PPARGC1A: variants seen among roughly 807,000 people sequenced by gnomAD.
The protein encoded by PPARGC1A is PPARG coactivator 1 alpha, also known as peroxisome proliferator-activated receptor gamma coactivator 1-alpha.
In PPARGC1A, 25 loss-of-function variants were observed where a neutral mutation model predicts 88.7. That is an observed-to-expected ratio of 0.28 (90% confidence interval 0.21 to 0.39). The LOEUF is 0.39. PPARGC1A is among the 10% of genes least tolerant of loss of function. PPARGC1A has a pLI of 1.00. For missense variants in PPARGC1A, 880 were observed against 968.7 expected (o/e 0.91, Z 1.22); for synonymous variants, 363 against 355.6 (o/e 1.02, Z -0.24).
At chr4:24,173,162 C>T in the PPARGC1A span, among the ~76,000 whole-genome samples, 18 of 151,968 alleles carry the variant, frequency 1.2e-4, no homozygotes, top group African/African-American at 3.9e-4. Flanking sequence ...AGAGGGCTAA[C>T]GATGTGTCAG....
chr4:23,836,994 C>T (rs554031982), intron 2 of PPARGC1A, among the ~76,000 whole-genome samples: 2 of 152,170 alleles, frequency 1.3e-5, no homozygotes, highest in African/African-American at 4.8e-5. Flanking sequence ...TATGAAAGGA[C>T]CATGCCCTGC....
chr4:24,142,569 G>T, the PPARGC1A span, among the ~76,000 whole-genome samples: 1 of 152,144 alleles, frequency 6.6e-6, no homozygotes, highest in African/African-American at 2.4e-5. Context: ...AGCTACTTGG[G>T]TGGCTGAGGC....
At chr4:24,353,454 T>C in the PPARGC1A span, among the ~76,000 whole-genome samples, 1 of 151,958 alleles carries the variant, frequency 6.6e-6, no homozygotes, top group Non-Finnish European at 1.5e-5. Context: ...TGAAGAAACA[T>C]TAAGGCGAGA....
chr4:24,168,288 T>C, the PPARGC1A span, among the ~76,000 whole-genome samples: 15 of 152,158 alleles, frequency 9.9e-5, no homozygotes, highest in Admixed American at 8.5e-4. Context: ...AGGTGAAGTG[T>C]CTTGCCCATG....
chr4:23,963,277 T>C, the PPARGC1A span, among the ~76,000 whole-genome samples: 1 of 152,188 alleles, frequency 6.6e-6, no homozygotes, highest in Non-Finnish European at 1.5e-5. Flanking sequence ...GCCTCTCTTA[T>C]TGCTATTACC....
At chr4:24,467,698 G>A in the PPARGC1A span, among the ~76,000 whole-genome samples, 5 of 151,300 alleles carry the variant, frequency 3.3e-5, no homozygotes, top group East Asian at 1.9e-4. Flanking sequence ...ACAAGCTTTC[G>A]ACAACTTACC....
At chr4:24,060,535 CA>C in the PPARGC1A span, among the ~76,000 whole-genome samples, 35 of 152,106 alleles carry the variant, frequency 2.3e-4, no homozygotes, top group African/African-American at 7.2e-4. Flanking sequence ...AGAACAACAA[CA>C]AAAAAAAAAT....
chr4:23,951,631 T>C, the PPARGC1A span, among the ~76,000 whole-genome samples: 2 of 151,932 alleles, frequency 1.3e-5, no homozygotes, highest in Admixed American at 1.3e-4. Flanking sequence ...GGGATGAGAG[T>C]CTCAGGAGAG....
chr4:23,852,920 CA>C (rs1729559321), intron 2 of PPARGC1A, among the ~76,000 whole-genome samples: 1 of 152,150 alleles, frequency 6.6e-6, no homozygotes, highest in African/African-American at 2.4e-5. Context: ...GCTACATCAT[CA>C]CTGCCCTAAA....
chr4:24,199,414 A>G, the PPARGC1A span, among the ~76,000 whole-genome samples: 1 of 152,294 alleles, frequency 6.6e-6, no homozygotes, highest in Non-Finnish European at 1.5e-5. Flanking sequence ...AACAAATGAG[A>G]TCTGTACAGA....
chr4:24,164,872 A>G, the PPARGC1A span, among the ~76,000 whole-genome samples: 1 of 152,044 alleles, frequency 6.6e-6, no homozygotes, highest in African/African-American at 2.4e-5. Context: ...GCAGATTGAG[A>G]TGGGGGTAAG....
chr4:24,199,678 T>C, the PPARGC1A span, among the ~76,000 whole-genome samples: 1 of 152,134 alleles, frequency 6.6e-6, no homozygotes, highest in African/African-American at 2.4e-5. Flanking sequence ...AATAAATTCC[T>C]ACTCAAAAAA....
intron 2 of PPARGC1A, among the ~76,000 whole-genome samples, chr4:23,879,198 T>C (rs1715415902): frequency 6.6e-6 from 1 of 152,226 alleles, no homozygotes; most frequent in African/African-American, 2.4e-5. Context: ...ATTCTTTTTT[T>C]CTTGTCTATT....
the PPARGC1A span, among the ~76,000 whole-genome samples, chr4:24,162,553 T>C: frequency 1.3e-5 from 2 of 151,740 alleles, no homozygotes; most frequent in African/African-American, 4.8e-5. Flanking sequence ...GGGATACATA[T>C]GTTAAGGGCC....
the PPARGC1A span, among the ~76,000 whole-genome samples, chr4:24,003,973 A>G: frequency 6.6e-6 from 1 of 152,238 alleles, no homozygotes. Context: ...ACAGCAATGC[A>G]ATCTTCAAAA....
chr4:24,104,154 T>C, the PPARGC1A span, among the ~76,000 whole-genome samples: 1 of 152,226 alleles, frequency 6.6e-6, no homozygotes, highest in Non-Finnish European at 1.5e-5. Flanking sequence ...TTCTTCCTAG[T>C]TGAGTTCCGC....
At chr4:24,317,076 T>C in the PPARGC1A span, among the ~76,000 whole-genome samples, 2 of 152,118 alleles carry the variant, frequency 1.3e-5, no homozygotes, top group African/African-American at 4.8e-5. Context: ...TAAGTAATAT[T>C]ATTATTATCC....
chr4:23,811,618 T>C (rs1359139237), intron 10 of PPARGC1A, among the ~76,000 whole-genome samples: 1 of 152,184 alleles, frequency 6.6e-6, no homozygotes, highest in African/African-American at 2.4e-5. Context: ...ATCCAAAGTC[T>C]AGGTTGATAA....
the PPARGC1A span, among the ~76,000 whole-genome samples, chr4:24,124,369 C>T: frequency 6.6e-6 from 1 of 152,166 alleles, no homozygotes; most frequent in Non-Finnish European, 1.5e-5. Context: ...TACCTACTTG[C>T]CAGTTATTTT....
Sources: gnomAD v4.1 joint callset for allele counts (sites outside exome capture counted in the v4.1 genomes callset) on GRCh38, gnomAD v4.1.1 for gene constraint, MANE v1.5 for transcripts, NCBI Gene and HGNC (gene_info 2026-07-23, HGNC 2026-07-21) for gene names.